The following GALNS variants were observed in gnomAD, a reference collection of about 807,000 sequenced individuals.
GALNS encodes galactosamine (N-acetyl)-6-sulfatase, also known as N-acetylgalactosamine-6-sulfatase.
A neutral mutation model predicts 65.9 loss-of-function variants in GALNS; 65 were observed. That is an observed-to-expected ratio of 0.99 (90% CI 0.81 to 1.21). The LOEUF (loss-of-function observed/expected upper bound fraction) is 1.21, where lower values mean the gene tolerates loss of function less well. Ranked by LOEUF, GALNS falls within the 50% of genes most tolerant of loss-of-function variation. The pLI is 0.00. For missense variants in GALNS, 776 were observed against 700.7 expected, an observed-to-expected ratio of 1.11 and a Z score of -1.21; for synonymous variants, 346 against 288.9, an observed-to-expected ratio of 1.20 and a Z score of -2.00.
chr16:88,829,258 A>G (rs1366562529), intron 9 of GALNS, among the ~76,000 whole-genome samples: 1 of 152,064 alleles, frequency 6.6e-6, no homozygotes, highest in Non-Finnish European at 1.5e-5. Context: ...CACACAAGAA[A>G]CCAAATGGCC....
chr16:88,855,092 C>T, intron 1 of GALNS: 1 of 441,854 alleles, frequency 2.3e-6, no homozygotes, highest in Non-Finnish European at 4.4e-6. Context: ...TCCCTATTTA[C>T]CGGGAGCCAC....
At position 88,846,463 on chromosome 16, in the gene GALNS, G is replaced by A. The variant is rs143130169; in HGVS notation, c.121-3634C>T. Among the ~76,000 whole-genome samples, 57 of 149,694 alleles carry A rather than the reference G, an allele frequency of 3.8e-4. 1 individual carries two copies. The East Asian group carries it at 0.011, about 29-fold the overall frequency. On this transcript the variant is annotated intron_variant, in intron 1 of 13. Transcript: ENST00000268695. ...GGGAGCGAGGTCCTGCCCACACCTT[G>A]AGCTCAGACTTCCGGCCTCCAGACC...
intron 10 of GALNS, among the ~76,000 whole-genome samples, 163 bp from the exon 11 acceptor site, chr16:88,825,032 TGGGGCTGGGGTGCCTGGGCGGCC>T (rs1323367049): frequency 4.7e-5 from 7 of 148,754 alleles, no homozygotes; most frequent in Non-Finnish European, 1.0e-4. Flanking sequence ...GCAAGGTGGC[TGGGGCTGGGGTGCCTGGGCGGCC>T]GGGGCTGGAG....
chr16:88,833,423 C>T (rs977967250), intron 8 of GALNS, among the ~76,000 whole-genome samples: 6 of 135,110 alleles, frequency 4.4e-5, no homozygotes, highest in African/African-American at 1.4e-4. Context: ...TCCTTCCCTC[C>T]CTCCCTTTCT....
intron 7 of GALNS, 41 bp downstream of exon 7, chr16:88,835,684 G>C (rs1207163574): frequency 6.2e-7 from 1 of 1,612,746 alleles, no homozygotes; most frequent in Non-Finnish European, 8.5e-7. Flanking sequence ...GCACAGCTGG[G>C]GCCTCCAGCG....
chr16:88,844,955 G>A (rs1967173879), intron 1 of GALNS: 2 of 152,194 alleles, frequency 1.3e-5, no homozygotes, highest in African/African-American at 2.4e-5. Context: ...ATCAACATCT[G>A]AATTTCATAT....
intron 12 of GALNS, among the ~76,000 whole-genome samples, chr16:88,822,331 G>C (rs1910313632): frequency 6.6e-6 from 1 of 152,210 alleles, no homozygotes; most frequent in Non-Finnish European, 1.5e-5. Flanking sequence ...GCAGCTCAGA[G>C]TAGGGGATAC....
chr16:88,822,195 G>C (rs780176574), intron 12 of GALNS, among the ~76,000 whole-genome samples: 5 of 152,302 alleles, frequency 3.3e-5, no homozygotes, highest in Admixed American at 6.5e-5. Context: ...AAGGCCCAGA[G>C]AGCAGAGGGT....
chr16:88,817,018 T>C, intron 13 of GALNS: 1 of 985,354 alleles, frequency 1.0e-6, no homozygotes, highest in Non-Finnish European at 1.2e-6. Context: ...GACCTGTGTG[T>C]GGCTCGTTTT....
intron 1 of GALNS, chr16:88,855,140 T>A (rs1218146107): frequency 1.7e-6 from 1 of 584,176 alleles, no homozygotes; most frequent in Non-Finnish European, 3.2e-6. Context: ...CAGACTAACT[T>A]TATATTTTAT....
rs368686041 is a variant in GALNS at position 88,847,123 on chromosome 16, C to T, written c.121-4294G>A. On this transcript the variant is annotated intron_variant, in intron 1 of 13. Coordinates refer to ENST00000268695, the MANE Select transcript of GALNS (RefSeq NM_000512.5). ...CGCAGCTCTTAAGCACACTGGAGACCACCGATGGTTCTTTTTTTAAGTCTC... is the reference window on the plus strand; with the variant it reads ...CGCAGCTCTTAAGCACACTGGAGACTACCGATGGTTCTTTTTTTAAGTCTC... Among the ~76,000 whole-genome samples the T allele has an allele frequency of 5.9e-5, 9 of 152,114 alleles. No homozygotes were observed. The East Asian group carries it at 1.7e-3, about 29-fold the overall frequency.
intron 9 of GALNS, among the ~76,000 whole-genome samples, chr16:88,828,805 G>A (rs1042590904): frequency 3.3e-5 from 5 of 152,206 alleles, no homozygotes; most frequent in Admixed American, 2.6e-4. Flanking sequence ...CGGCGCTGGG[G>A]TGGCTCCCCT....
At chr16:88,830,230 CAAAAAA>C (rs758855583) in intron 9 of GALNS, among the ~76,000 whole-genome samples, 6 of 13,990 alleles carry the variant, frequency 4.3e-4, no homozygotes, top group South Asian at 2.4e-3. Flanking sequence ...GACTTCATCT[CAAAAAA>C]AAAAAAAAAA....
intron 5 of GALNS, among the ~76,000 whole-genome samples, chr16:88,836,527 G>A (rs1169962326): frequency 1.3e-5 from 2 of 152,164 alleles, no homozygotes; most frequent in African/African-American, 4.8e-5. Flanking sequence ...GGTGGCGCAC[G>A]CCTGTAATCC....
chr16:88,856,926 G>A lies in GALNS; in HGVS notation c.-49C>T, dbSNP rs761795179. 9 of 1,479,772 alleles carry A rather than the reference G, an allele frequency of 6.1e-6. No homozygotes were observed. Among genetic ancestry groups the A allele is most frequent in the South Asian group, 1.3e-5 (1 of 78,214 alleles). 91.7% of individuals were successfully genotyped at this position (1,479,772 alleles called of 1,614,324 possible). On this transcript the variant is annotated 5_prime_UTR_variant, in exon 1 of 14. Transcript: ENST00000268695. ...CCCGGCCAGCGAGCCGACCTAGCGA[G>A]CGTCCGCCGGCCCTTCCGGCTGGGC...
At chr16:88,817,804 G>T (rs1252571219) in intron 13 of GALNS, among the ~76,000 whole-genome samples, 2 of 152,204 alleles carry the variant, frequency 1.3e-5, no homozygotes, top group Admixed American at 6.5e-5. Context: ...GTGCAGCGTT[G>T]TTCTGGTCCC....
At chr16:88,816,974 C>G (rs1192115107) in intron 13 of GALNS, 1 of 985,468 alleles carries the variant, frequency 1.0e-6, no homozygotes, top group Non-Finnish European at 1.2e-6. Context: ...CCACTGTGCT[C>G]GGTGGGCTCT....
intron 9 of GALNS, among the ~76,000 whole-genome samples, chr16:88,829,225 C>T (rs941797355): frequency 2.0e-5 from 3 of 152,020 alleles, no homozygotes; most frequent in Non-Finnish European, 4.4e-5. Context: ...GAGTGACCAC[C>T]GGCCACTCCC....
At chr16:88,847,186 C>T (rs1327365484) in intron 1 of GALNS, among the ~76,000 whole-genome samples, 2 of 152,086 alleles carry the variant, frequency 1.3e-5, no homozygotes, top group Non-Finnish European at 2.9e-5. Flanking sequence ...GCCTGGGCAA[C>T]AAGGTGAGAC....
Sources: allele counts gnomAD v4.1 joint callset (sites outside exome capture counted in the v4.1 genomes callset), GRCh38; gene constraint gnomAD v4.1.1; transcripts MANE v1.5; gene names NCBI Gene and HGNC (gene_info 2026-07-23, HGNC 2026-07-21).